COL27A1: variants seen among roughly 807,000 people sequenced by gnomAD.
The protein encoded by COL27A1 is collagen type XXVII alpha 1 chain.
COL27A1 carries 106 observed loss-of-function variants against 251.3 expected under a neutral mutation model. The observed-to-expected ratio is 0.42, with a 90% CI of 0.36 to 0.50. The LOEUF is 0.50. Ranked by LOEUF, COL27A1 falls within the 20% of genes least tolerant of loss-of-function variation. COL27A1 has a pLI of 0.00. For missense variants in COL27A1, 2,325 were observed against 2,522.8 expected (o/e 0.92, Z 1.68); for synonymous variants, 1,000 against 986.3 (o/e 1.01, Z -0.26).
At chr9:114,203,009 C>T (rs138080142) in intron 7 of COL27A1, among the ~76,000 whole-genome samples, 5 of 152,244 alleles carry the variant, frequency 3.3e-5, no homozygotes, top group East Asian at 1.9e-4. Context: ...GTGTACAGTT[C>T]GATAGCGTTA....
At chr9:114,291,568 G>A (rs1440959810) in intron 48 of COL27A1, among the ~76,000 whole-genome samples, 1 of 152,114 alleles carries the variant, frequency 6.6e-6, no homozygotes, top group African/African-American at 2.4e-5. Context: ...GGCCAACATG[G>A]GGAAACCCCG....
rs1829960209 is a variant in COL27A1 at position 114,206,267 on chromosome 9, G to A, written c.2239G>A (p.Val747Ile). ...YPGRQGLPGP[V>I]GDPGPKGSRG... is the part of the protein sequence containing the mutation. ...TGTGTTTCAGGGGTTACCTGGACCG[G>A]TAGGAGATCCCGGCCCCAAAGGCAG... The change falls in exon 10 of 61, where the codon GTA becomes ATA. Residue 747 changes from valine (V) to isoleucine (I), a missense_variant. Around this residue, in one of 4 missense-constraint regions of COL27A1, gnomAD observed 1,183 missense variants for 1,144.1 expected, o/e 1.03. Transcript: ENST00000356083. 1.9e-6 allele frequency: 3 copies of A among 1,614,158 alleles called. No homozygotes were observed. Among genetic ancestry groups the A allele is most frequent in the South Asian group, 1.1e-5 (1 of 91,080 alleles).
Position 114,310,849 on chromosome 9 carries a change from G to C in COL27A1, c.*154G>C. Reference sequence around the variant, plus strand: ...GCTGTTGTCTGCCCAGTAGAAGTGGGTGGGGGTAGGAGGGGATAGGGTGTC... The same window carrying C: ...GCTGTTGTCTGCCCAGTAGAAGTGGCTGGGGGTAGGAGGGGATAGGGTGTC... On this transcript the variant is annotated 3_prime_UTR_variant, in exon 61 of 61. Coordinates refer to ENST00000356083, the MANE Select transcript of COL27A1 (RefSeq NM_032888.4). 1 of 704,090 alleles carries C rather than the reference G, an allele frequency of 1.4e-6. No homozygotes were observed. Among genetic ancestry groups the C allele is most frequent in the South Asian group, 2.0e-5 (1 of 51,220 alleles). 43.6% of individuals were successfully genotyped at this position (704,090 alleles called of 1,614,324 possible).
At position 114,292,248 on chromosome 9, in the gene COL27A1, C is replaced by G. The variant is rs750055213; in HGVS notation, c.4584+38C>G. The G allele has an allele frequency of 1.2e-5, 17 of 1,383,354 alleles. No individual in the cohort carries two copies. In the Admixed American group the frequency reaches 2.8e-4, roughly 23 times the overall value. 85.7% of individuals were successfully genotyped at this position (1,383,354 alleles called of 1,614,324 possible). On this transcript the variant is annotated intron_variant, in intron 49 of 60. Transcript: ENST00000356083. ...CAAAGAATACACATGCCCACGCACT[C>G]ACACATGCACACACTCACATACACC... is the stretch of plus-strand genomic sequence containing the variant.
chr9:114,228,071 T>G lies in COL27A1; in HGVS notation c.2467-3008T>G, dbSNP rs113725939. 1.5e-4 allele frequency among the ~76,000 whole-genome samples: 23 copies of G among 152,260 alleles called. 1 individual carries two copies. Among genetic ancestry groups the G allele is most frequent in the Middle Eastern group, 3.4e-3 (1 of 294 alleles). On this transcript the variant is annotated intron_variant, in intron 14 of 60. Transcript: ENST00000356083. ...ATTCCTTCTCCCCTGGGGTTGCCCATGCCCATGGGATGCCCATGGCAGGTC... is the reference window on the plus strand; with the variant it reads ...ATTCCTTCTCCCCTGGGGTTGCCCAGGCCCATGGGATGCCCATGGCAGGTC...
chr9:114,175,278 C>G (rs1181916045), intron 3 of COL27A1, among the ~76,000 whole-genome samples: 1 of 152,246 alleles, frequency 6.6e-6, no homozygotes, highest in Non-Finnish European at 1.5e-5. Context: ...TCAGAGGCCC[C>G]GTTGTTTGCA....
In COL27A1 at chr9:114,231,111, C is replaced by T. The variant is rs763841637; in HGVS notation, c.2499C>T (p.Tyr833=). 2 of 1,613,264 alleles carry T rather than the reference C, an allele frequency of 1.2e-6. No homozygotes were observed. The highest frequency in any genetic ancestry group is 2.2e-5 in the East Asian group (1 of 44,872). The change falls in exon 15 of 61, where the codon TAC becomes TAT. Residue 833 remains tyrosine, a synonymous_variant. Coordinates refer to ENST00000356083, the MANE Select transcript of COL27A1 (RefSeq NM_032888.4). ...GDLGVLGPIG[Y]PGPKGMKGLM... Reference sequence around the variant, plus strand: ...TAGGAGTGTTGGGTCCGATTGGCTACCCGGGACCCAAGGGCATGAAGGTAA... The same window carrying T: ...TAGGAGTGTTGGGTCCGATTGGCTATCCGGGACCCAAGGGCATGAAGGTAA...
intron 28 of COL27A1, among the ~76,000 whole-genome samples, chr9:114,261,415 G>A (rs534463612): frequency 6.6e-6 from 1 of 152,350 alleles, no homozygotes; most frequent in African/African-American, 2.4e-5. Context: ...GAGGCAGCAG[G>A]ACTGGGGAAC....
intron 6 of COL27A1, 116 bp from the exon 7 acceptor site, chr9:114,195,843 A>G (rs1829083384): frequency 1.2e-6 from 1 of 861,044 alleles, no homozygotes; most frequent in South Asian, 1.4e-5. Flanking sequence ...CTACTTCTCT[A>G]TGAATCTCAT....
intron 37 of COL27A1, among the ~76,000 whole-genome samples, chr9:114,278,270 T>A (rs1436172124): frequency 5.0e-5 from 7 of 139,312 alleles, no homozygotes; most frequent in African/African-American, 1.7e-4. Context: ...GTGATGATGA[T>A]GAAGATGATG....
chr9:114,162,277 G>A (rs1015323887), intron 1 of COL27A1, among the ~76,000 whole-genome samples: 3 of 151,506 alleles, frequency 2.0e-5, no homozygotes, highest in Non-Finnish European at 2.9e-5. Context: ...CCCATTGGCT[G>A]GGGTCTGGGG....
rs1829397978 is a variant in COL27A1 at position 114,310,863 on chromosome 9, G to A, written c.*168G>A. On this transcript the variant is annotated 3_prime_UTR_variant, in exon 61 of 61. Transcript: ENST00000356083. ...AGTAGAAGTGGGTGGGGGTAGGAGGGGATAGGGTGTCCTTGGGAACAATGG... is the reference window on the plus strand; with the variant it reads ...AGTAGAAGTGGGTGGGGGTAGGAGGAGATAGGGTGTCCTTGGGAACAATGG... 4.9e-6 allele frequency: 3 copies of A among 614,752 alleles called. No individual in the cohort carries two copies. The highest frequency in any genetic ancestry group is 2.8e-5 in the East Asian group (1 of 35,412). 38.1% of individuals were successfully genotyped at this position (614,752 alleles called of 1,614,324 possible).
intron 2 of COL27A1, 79 bp from the exon 3 acceptor site, chr9:114,167,610 G>A: frequency 8.3e-7 from 1 of 1,205,296 alleles, no homozygotes; most frequent in Non-Finnish European, 1.2e-6. Flanking sequence ...CACATTGCCT[G>A]TGCCCCTTAG....
At chr9:114,235,568 A>G in intron 16 of COL27A1, 31 bp from the exon 17 acceptor site, 1 of 1,601,066 alleles carries the variant, frequency 6.2e-7, no homozygotes, top group Non-Finnish European at 8.6e-7. Flanking sequence ...CGTGGCCTCC[A>G]TTGTAACCTT....
intron 22 of COL27A1, 117 bp from the exon 23 acceptor site, chr9:114,243,390 C>G (rs1832897111): frequency 1.2e-6 from 1 of 813,980 alleles, no homozygotes; most frequent in Admixed American, 2.0e-5. Context: ...CCCCTGTCCA[C>G]CAGGGTATGT....
chr9:114,184,055 G>A (rs1240239449), intron 5 of COL27A1, among the ~76,000 whole-genome samples: 2 of 152,202 alleles, frequency 1.3e-5, no homozygotes, highest in Non-Finnish European at 2.9e-5. Context: ...GGAGAGATAG[G>A]AGGGGAAGGA....
chr9:114,286,281 T>G lies in COL27A1; in HGVS notation c.3987+1504T>G, dbSNP rs577342274. On this transcript the variant is annotated intron_variant, in intron 41 of 60. Coordinates refer to ENST00000356083, the MANE Select transcript of COL27A1 (RefSeq NM_032888.4). ...CACGTGCAGAGTTCTTTCCCTGCCA[T>G]TCCTCCTGTAATCTTCACCACAGCC... Among the ~76,000 whole-genome samples, 16 of 152,276 alleles carry G rather than the reference T, an allele frequency of 1.1e-4. No individual in the cohort carries two copies. The East Asian group carries it at 2.3e-3, about 22-fold the overall frequency.
intron 14 of COL27A1, among the ~76,000 whole-genome samples, chr9:114,227,311 G>GTTTTT (rs5900077): frequency 7.8e-6 from 1 of 128,950 alleles, no homozygotes; most frequent in Non-Finnish European, 1.6e-5. Flanking sequence ...AACCTTGAGT[G>GTTTTT]TTTTTTTTTT....
At chr9:114,292,039 C>A in intron 48 of COL27A1, 64 bp from the exon 49 acceptor site, 1 of 1,406,788 alleles carries the variant, frequency 7.1e-7, no homozygotes, top group Non-Finnish European at 9.9e-7. Context: ...AGGCCCCCTC[C>A]GCCTCCTCCT....
Sources: allele counts gnomAD v4.1 joint callset (sites outside exome capture counted in the v4.1 genomes callset), GRCh38; gene constraint gnomAD v4.1.1; regional missense constraint gnomAD v4.1.1; transcripts MANE v1.5; gene names NCBI Gene and HGNC (gene_info 2026-07-23, HGNC 2026-07-21).